AVEN: variants seen among roughly 807,000 people sequenced by gnomAD.
AVEN encodes the protein apoptosis and caspase activation inhibitor, also known as cell death regulator Aven.
AVEN carries 41 observed loss-of-function variants against 38.1 expected under a neutral mutation model. The observed-to-expected ratio is 1.08, with a 90% CI of 0.84 to 1.40. The LOEUF (loss-of-function observed/expected upper bound fraction) is 1.40, where lower values mean the gene tolerates loss of function less well. Ranked by LOEUF, AVEN falls within the 40% of genes most tolerant of loss-of-function variation. The pLI is 0.00. For missense variants in AVEN, 605 were observed against 438.8 expected, an observed-to-expected ratio of 1.38 and a Z score of -3.38; for synonymous variants, 206 against 171.8, an observed-to-expected ratio of 1.20 and a Z score of -1.56.
chr15:33,967,007 T>C (rs1895413155), intron 2 of AVEN, among the ~76,000 whole-genome samples: 1 of 152,118 alleles, frequency 6.6e-6, no homozygotes, highest in Admixed American at 6.6e-5. Flanking sequence ...TAATAATCAG[T>C]GGCTTAAAAC....
chr15:34,073,512 CT>C (rs1900671850), intron 1 of AVEN, among the ~76,000 whole-genome samples: 1 of 116,188 alleles, frequency 8.6e-6, no homozygotes, highest in Non-Finnish European at 1.6e-5. Context: ...CTTTTCTTTT[CT>C]TTTTTCTTTT....
chr15:34,053,569 G>C (rs1900023791), intron 5 of AVEN, among the ~76,000 whole-genome samples: 1 of 151,808 alleles, frequency 6.6e-6, no homozygotes, highest in African/African-American at 2.4e-5. Context: ...ACAAAAACAA[G>C]CAGTGGGGAA....
intron 5 of AVEN, among the ~76,000 whole-genome samples, chr15:34,045,335 AC>A (rs1429849435): frequency 6.6e-6 from 1 of 152,220 alleles, no homozygotes; most frequent in Non-Finnish European, 1.5e-5. Context: ...TTTCTTAATC[AC>A]CACCTTATCT....
intron 2 of AVEN, among the ~76,000 whole-genome samples, chr15:33,983,215 C>CGTGTGT (rs1555512818): frequency 8.9e-6 from 1 of 111,784 alleles, no homozygotes; most frequent in African/African-American, 4.1e-5. Context: ...TATATATATA[C>CGTGTGT]ATATATATAC....
intron 2 of AVEN, among the ~76,000 whole-genome samples, chr15:33,961,641 G>T (rs373781336): frequency 4.6e-5 from 7 of 151,348 alleles, no homozygotes; most frequent in Admixed American, 3.9e-4. Context: ...GTGAAACCCC[G>T]TCTCTACTAA....
At chr15:33,973,465 T>C (rs1432419130) in intron 2 of AVEN, among the ~76,000 whole-genome samples, 1 of 152,228 alleles carries the variant, frequency 6.6e-6, no homozygotes, top group Non-Finnish European at 1.5e-5. Context: ...GGGTAACTTC[T>C]GGTAATACCT....
chr15:33,853,566 G>A, the AVEN span: 11 of 1,613,856 alleles, frequency 6.8e-6, no homozygotes, highest in South Asian at 1.1e-4. Context: ...TGATCAACAA[G>A]TATGGAGATC....
At chr15:33,968,677 G>A (rs1311557478) in intron 2 of AVEN, 1 of 152,110 alleles carries the variant, frequency 6.6e-6, no homozygotes, top group Non-Finnish European at 1.5e-5. Flanking sequence ...AGTTCGTATG[G>A]AGAAAGGAAA....
intron 2 of AVEN, among the ~76,000 whole-genome samples, chr15:33,919,279 C>G (rs569826021): frequency 6.6e-6 from 1 of 152,004 alleles, no homozygotes; most frequent in East Asian, 1.9e-4. Context: ...AAATAAATCC[C>G]AGAATTTATT....
At chr15:33,884,273 T>C (rs770023159) in intron 2 of AVEN, among the ~76,000 whole-genome samples, 19 of 152,206 alleles carry the variant, frequency 1.2e-4, no homozygotes, top group Non-Finnish European at 2.8e-4. Flanking sequence ...TATTTTATGA[T>C]AGTTGACATA....
In AVEN at chr15:33,866,637, G is replaced by C; in HGVS notation, c.1065C>G (p.Asp355Glu). The change falls in exon 6 of 6, where the codon GAC (aspartate) becomes GAG (glutamate). Residue 355 changes from aspartate (D) to glutamate (E), a missense_variant. By Grantham distance (45) the Asp-to-Glu change is conservative. Coordinates refer to ENST00000306730, the MANE Select transcript of AVEN (RefSeq NM_020371.3). The stretch of plus-strand genomic sequence containing the variant: ...TTTAGGAAATCATGCTGTCCAACCA[G>C]TCTTCCAGCTCTTCCTCGGTAACAT... ...SKNVTEEELEDWLDSMIS is the reference protein window; with the variant it reads ...SKNVTEEELEEWLDSMIS The C allele has an allele frequency of 6.2e-7, 1 of 1,613,886 alleles. No individual in the cohort carries two copies. The highest frequency in any genetic ancestry group is 1.3e-5 in the African/African-American group (1 of 75,026).
intron 2 of AVEN, among the ~76,000 whole-genome samples, chr15:33,979,438 G>A (rs1037907087): frequency 1.3e-5 from 2 of 152,110 alleles, no homozygotes; most frequent in African/African-American, 4.8e-5. Flanking sequence ...GAGCCCAGGA[G>A]GTTGAGGCTG....
intron 2 of AVEN, among the ~76,000 whole-genome samples, chr15:33,886,644 G>C (rs911014322): frequency 6.6e-6 from 1 of 152,196 alleles, no homozygotes; most frequent in Non-Finnish European, 1.5e-5. Context: ...TTGTGAAGAA[G>C]AACATGTCTA....
At chr15:33,882,349 AT>A (rs1447124438) in intron 2 of AVEN, among the ~76,000 whole-genome samples, 1 of 152,144 alleles carries the variant, frequency 6.6e-6, no homozygotes, top group African/African-American at 2.4e-5. Context: ...AAGAGTTCAC[AT>A]TTTCCTTACA....
At chr15:33,881,373 C>T (rs1891479907) in intron 2 of AVEN, among the ~76,000 whole-genome samples, 1 of 151,506 alleles carries the variant, frequency 6.6e-6, no homozygotes, top group Non-Finnish European at 1.5e-5. Flanking sequence ...GTATGAGACA[C>T]TGCATGTGGC....
rs376848878 is a variant in AVEN at position 33,961,738 on chromosome 15, G to A, written c.445+41294C>T. Among the ~76,000 whole-genome samples the A allele has an allele frequency of 3.1e-3, 441 of 141,208 alleles. 2 individuals are homozygous for A. Among genetic ancestry groups the A allele is most frequent in the East Asian group, 0.017 (79 of 4,616 alleles). 92.6% of individuals were successfully genotyped at this position (141,208 alleles called of 152,430 possible). On this transcript the variant is annotated intron_variant, in intron 2 of 5. Coordinates refer to ENST00000306730, the MANE Select transcript of AVEN (RefSeq NM_020371.3). Reference sequence around the variant, plus strand: ...TGAGGCAGGAGAATGGCGTGAACCCGGGAGGCGGAGCTTGCAGTGAGCCGA... The same window carrying A: ...TGAGGCAGGAGAATGGCGTGAACCCAGGAGGCGGAGCTTGCAGTGAGCCGA...
At chr15:33,997,019 C>T (rs1028876054) in intron 2 of AVEN, among the ~76,000 whole-genome samples, 8 of 152,136 alleles carry the variant, frequency 5.3e-5, no homozygotes, top group African/African-American at 9.7e-5. Flanking sequence ...TTAAATTACC[C>T]GATGGGGCTG....
chr15:33,879,198 T>C (rs1357211141), intron 2 of AVEN, among the ~76,000 whole-genome samples: 3 of 151,510 alleles, frequency 2.0e-5, no homozygotes, highest in Non-Finnish European at 2.9e-5. Flanking sequence ...GTGGCACATA[T>C]ACACCATGGA....
the AVEN span, chr15:33,853,749 A>G: frequency 6.4e-7 from 1 of 1,554,470 alleles, no homozygotes; most frequent in Non-Finnish European, 8.7e-7. Context: ...TTTCCATAGG[A>G]AAAAATCACA....
Sources: gnomAD v4.1 joint callset for allele counts (sites outside exome capture counted in the v4.1 genomes callset) on GRCh38, gnomAD v4.1.1 for gene constraint, MANE v1.5 for transcripts, NCBI Gene and HGNC (gene_info 2026-07-23, HGNC 2026-07-21) for gene names.